Variants in SNTG1 observed in about 807,000 individuals in gnomAD.
SNTG1 encodes syntrophin gamma 1, also known as gamma-1-syntrophin.
A neutral mutation model predicts 74.7 loss-of-function variants in SNTG1; 39 were observed. The ratio of observed to expected loss-of-function variants is 0.52; its 90% CI spans 0.40 to 0.68. The LOEUF is 0.68. SNTG1 is among the 30% of genes least tolerant of loss of function. SNTG1 has a pLI of 0.00. For missense variants in SNTG1, 685 were observed against 609.5 expected (o/e 1.12, Z -1.30); for synonymous variants, 254 against 217.1 (o/e 1.17, Z -1.49).
intron 2 of SNTG1, among the ~76,000 whole-genome samples, chr8:50,191,192 T>C (rs1354044013): frequency 6.6e-6 from 1 of 152,138 alleles, no homozygotes; most frequent in Non-Finnish European, 1.5e-5. Flanking sequence ...TATTATGCTG[T>C]GGTGTTTCTG....
chr8:50,446,916 A>G (rs1236240150), intron 5 of SNTG1, among the ~76,000 whole-genome samples: 1 of 152,214 alleles, frequency 6.6e-6, no homozygotes, highest in Non-Finnish European at 1.5e-5. Flanking sequence ...ATTTGCTTAC[A>G]TATGCAAATT....
chr8:50,001,420 T>C (rs571726520), intron 1 of SNTG1, among the ~76,000 whole-genome samples: 2 of 152,220 alleles, frequency 1.3e-5, no homozygotes, highest in South Asian at 4.2e-4. Flanking sequence ...TGCTAGAAAC[T>C]ATATTAGTGT....
intron 2 of SNTG1, among the ~76,000 whole-genome samples, chr8:50,373,917 C>T (rs1038895059): frequency 2.0e-5 from 3 of 152,122 alleles, no homozygotes; most frequent in South Asian, 2.1e-4. Context: ...TGTGAATCCT[C>T]GTTCCTGGGC....
At chr8:49,996,450 C>G (rs1814227362) in intron 1 of SNTG1, among the ~76,000 whole-genome samples, 1 of 151,940 alleles carries the variant, frequency 6.6e-6, no homozygotes, top group African/African-American at 2.4e-5. Flanking sequence ...TCCTTGCCTT[C>G]TCCTTTTCCT....
chr8:50,486,011 T>G (rs1470287367), intron 8 of SNTG1, among the ~76,000 whole-genome samples: 1 of 152,268 alleles, frequency 6.6e-6, no homozygotes, highest in South Asian at 2.1e-4. Flanking sequence ...GAGGGCTCTG[T>G]TCTGTTCCAT....
At chr8:50,597,396 T>TAC (rs1554583941) in intron 13 of SNTG1, among the ~76,000 whole-genome samples, 49 of 134,612 alleles carry the variant, frequency 3.6e-4, no homozygotes, top group South Asian at 1.4e-3. Context: ...TATACATATA[T>TAC]ACATATATAC....
intron 2 of SNTG1, among the ~76,000 whole-genome samples, chr8:50,202,346 T>C (rs2084018774): frequency 6.6e-6 from 1 of 152,124 alleles, no homozygotes; most frequent in Non-Finnish European, 1.5e-5. Context: ...TCCTCTACTC[T>C]CCTGTCCTCC....
At chr8:50,284,194 A>T (rs974844345) in intron 2 of SNTG1, among the ~76,000 whole-genome samples, 1 of 152,218 alleles carries the variant, frequency 6.6e-6, no homozygotes, top group South Asian at 2.1e-4. Context: ...TGTTTTTCTT[A>T]TGAATAGATA....
intron 2 of SNTG1, among the ~76,000 whole-genome samples, chr8:50,203,964 A>AG (rs766612962): frequency 6.6e-6 from 1 of 152,126 alleles, no homozygotes; most frequent in Non-Finnish European, 1.5e-5. Flanking sequence ...AGCTCTGTAA[A>AG]GGGCAACTCT....
chr8:50,007,681 C>A (rs1475768418), intron 1 of SNTG1, among the ~76,000 whole-genome samples: 1 of 152,082 alleles, frequency 6.6e-6, no homozygotes, highest in African/African-American at 2.4e-5. Context: ...AGAGAAGAGT[C>A]ACAGTGAGCT....
intron 2 of SNTG1, among the ~76,000 whole-genome samples, chr8:50,236,559 T>C (rs1341058677): frequency 6.6e-6 from 1 of 151,502 alleles, no homozygotes; most frequent in Non-Finnish European, 1.5e-5. Flanking sequence ...CACACCATTC[T>C]CCTGCCTCAG....
chr8:50,181,519 A>G (rs1250667665), intron 2 of SNTG1, among the ~76,000 whole-genome samples: 2 of 152,186 alleles, frequency 1.3e-5, no homozygotes, highest in Non-Finnish European at 2.9e-5. Flanking sequence ...TCTGGGCTAT[A>G]CATTCTCATT....
intron 15 of SNTG1, among the ~76,000 whole-genome samples, chr8:50,678,696 A>G (rs1388406502): frequency 1.3e-5 from 2 of 152,166 alleles, no homozygotes; most frequent in Admixed American, 6.5e-5. Flanking sequence ...CTATTAACTC[A>G]TATTTATGTA....
chr8:50,055,784 A>G (rs747912689), intron 1 of SNTG1, among the ~76,000 whole-genome samples: 14 of 152,144 alleles, frequency 9.2e-5, no homozygotes, highest in Non-Finnish European at 1.6e-4. Flanking sequence ...TTCTCTCATT[A>G]GAAAACAAGT....
chr8:50,114,917 G>A (rs2080753626), intron 1 of SNTG1, among the ~76,000 whole-genome samples: 1 of 151,996 alleles, frequency 6.6e-6, no homozygotes, highest in Non-Finnish European at 1.5e-5. Flanking sequence ...TGTACAGCAG[G>A]AGTGGTGTAG....
chr8:49,956,183 C>T (rs150742267), intron 1 of SNTG1, among the ~76,000 whole-genome samples: 114 of 152,158 alleles, frequency 7.5e-4, no homozygotes, highest in African/African-American at 2.7e-3. Context: ...CTTATTTTTG[C>T]AAATATAGTA....
intron 1 of SNTG1, among the ~76,000 whole-genome samples, chr8:50,002,864 C>A (rs1481649351): frequency 6.6e-6 from 1 of 152,042 alleles, no homozygotes; most frequent in Non-Finnish European, 1.5e-5. Context: ...TCCACAGATA[C>A]AGGGATAAAC....
At chr8:50,087,966 A>AT (rs1448367083) in intron 1 of SNTG1, among the ~76,000 whole-genome samples, 1 of 119,578 alleles carries the variant, frequency 8.4e-6, no homozygotes, top group African/African-American at 3.2e-5. Context: ...AGAGTGTGAT[A>AT]TTCCCCTTCC....
At chr8:50,551,648 T>A (rs564981786) in intron 11 of SNTG1, among the ~76,000 whole-genome samples, 3 of 152,308 alleles carry the variant, frequency 2.0e-5, no homozygotes, top group African/African-American at 7.2e-5. Flanking sequence ...AAAAATATCA[T>A]GTGAAATTAT....
Sources: gnomAD v4.1 joint callset for allele counts (sites outside exome capture counted in the v4.1 genomes callset) on GRCh38, gnomAD v4.1.1 for gene constraint, MANE v1.5 for transcripts, NCBI Gene and HGNC (gene_info 2026-07-23, HGNC 2026-07-21) for gene names.